Variants in BCAS1 observed in about 807,000 individuals in gnomAD.
BCAS1 encodes breast carcinoma-amplified sequence 1.
BCAS1 carries 46 observed loss-of-function variants against 65.4 expected under a neutral mutation model. The ratio of observed to expected loss-of-function variants is 0.70; its 90% CI spans 0.55 to 0.90. BCAS1 has a LOEUF of 0.90. Ranked by LOEUF, BCAS1 falls within the 40% of genes least tolerant of loss-of-function variation. BCAS1 has a pLI of 0.00. For synonymous variants in BCAS1, 298 were observed against 293.5 expected (o/e 1.02, Z -0.16); for missense variants, 793 against 771.2 (o/e 1.03, Z -0.33).
intron 12 of BCAS1, among the ~76,000 whole-genome samples, chr20:53,948,785 C>T (rs755333582): frequency 1.4e-4 from 22 of 152,196 alleles, no homozygotes; most frequent in Non-Finnish European, 2.4e-4. Context: ...ACTGAGGCTC[C>T]AAGATGACCT....
chr20:54,066,376 C>T (rs931391520), intron 1 of BCAS1, among the ~76,000 whole-genome samples: 2 of 152,198 alleles, frequency 1.3e-5, no homozygotes, highest in Non-Finnish European at 2.9e-5. Flanking sequence ...CCGGCCGAGG[C>T]AGGTATTTTT....
chr20:53,985,916 C>T (rs2090604455), intron 7 of BCAS1, among the ~76,000 whole-genome samples: 1 of 152,102 alleles, frequency 6.6e-6, no homozygotes, highest in Admixed American at 6.5e-5. Context: ...TATAAACATG[C>T]ATCATCTTAC....
At chr20:54,058,848 C>A in intron 1 of BCAS1, 125 bp from the exon 2 acceptor site, 1 of 1,069,686 alleles carries the variant, frequency 9.3e-7, no homozygotes, top group Non-Finnish European at 1.4e-6. Flanking sequence ...GAGATCAGAA[C>A]AAATTGCTTG....
intron 3 of BCAS1, among the ~76,000 whole-genome samples, chr20:54,056,819 A>G (rs1161998901): frequency 8.5e-5 from 13 of 152,214 alleles, no homozygotes; most frequent in Admixed American, 8.5e-4. Context: ...CATGTGAAAG[A>G]AAACAACCAT....
rs985094799 is a variant in BCAS1 at position 53,958,340 on chromosome 20, C to T, written c.1486-843G>A. The stretch of plus-strand genomic sequence containing the variant: ...CTAAGAAACCTGGTGATAAAATGTT[C>T]GGTTCTTATCAACAACATTGACTCA... On this transcript the variant is annotated intron_variant, in intron 10 of 12. Transcript: ENST00000688948. 5.3e-5 allele frequency among the ~76,000 whole-genome samples: 8 copies of T among 152,146 alleles called. No individual in the cohort carries two copies. The East Asian group carries it at 1.2e-3, about 22-fold the overall frequency.
chr20:54,006,289 C>T lies in BCAS1; in HGVS notation c.724-10239G>A, dbSNP rs1029326134. On this transcript the variant is annotated intron_variant, in intron 4 of 12. Coordinates refer to ENST00000688948, the MANE Select transcript of BCAS1 (RefSeq NM_001366298.2). ...TAAACTCACATGCACTAGGGGAGGA[C>T]GAGAAGAGGAAAAAAAGCAAGTCCC... Among the ~76,000 whole-genome samples, 7 of 152,206 alleles carry T rather than the reference C, an allele frequency of 4.6e-5. No homozygotes were observed. The East Asian group carries it at 1.2e-3, about 25-fold the overall frequency.
chr20:54,028,825 A>C lies in BCAS1; in HGVS notation c.290T>G (p.Leu97Trp), dbSNP rs145412907. 17 of 1,613,930 alleles carry C rather than the reference A, an allele frequency of 1.1e-5. No homozygotes were observed. Among genetic ancestry groups the C allele is most frequent in the African/African-American group, 1.3e-5 (1 of 74,878 alleles). ...EAPAAKSRFF[L>W]MLSRPVPGRT... Reference sequence around the variant, plus strand: ...TCCTGGTACAGGCCGAGAGAGCATCAAGAAAAAACGAGATTTAGCAGCTGG... The same window carrying C: ...TCCTGGTACAGGCCGAGAGAGCATCCAGAAAAAACGAGATTTAGCAGCTGG... The change falls in exon 4 of 13, where the codon TTG becomes TGG. Residue 97 changes from leucine (L) to tryptophan (W), a missense_variant. Leu to Trp is a moderately conservative substitution (Grantham distance 61). Transcript: ENST00000688948.
At chr20:53,975,875 T>C (rs2090321247) in intron 8 of BCAS1, among the ~76,000 whole-genome samples, 1 of 152,192 alleles carries the variant, frequency 6.6e-6, no homozygotes, top group Admixed American at 6.5e-5. Flanking sequence ...CGTTCAATTG[T>C]CCTTTTGAGC....
intron 11 of BCAS1, among the ~76,000 whole-genome samples, chr20:53,954,294 G>GGA (rs71196437): frequency 0.072 from 9,000 of 125,754 alleles, 482 homozygotes; most frequent in African/African-American, 0.15. Flanking sequence ...GCTGAGAAAT[G>GGA]GAGAGAGAGA....
intron 5 of BCAS1, 26 bp downstream of exon 5, chr20:53,995,866 G>C: frequency 6.4e-7 from 1 of 1,570,882 alleles, no homozygotes; most frequent in Non-Finnish European, 8.6e-7. Context: ...ATAGAGTGGA[G>C]GGGAAAAGAG....
chr20:53,948,810 C>T (rs537025478), intron 12 of BCAS1, among the ~76,000 whole-genome samples: 63 of 152,256 alleles, frequency 4.1e-4, no homozygotes, highest in African/African-American at 1.0e-3. Context: ...CTAGGTCATG[C>T]GGTAACGGCC....
In BCAS1 at chr20:53,994,008, A is replaced by G. The variant is rs184717557; in HGVS notation, c.927+1004T>C. Among the ~76,000 whole-genome samples, 22 of 152,278 alleles carry G rather than the reference A, an allele frequency of 1.4e-4. No individual in the cohort carries two copies. In the East Asian group the frequency reaches 2.7e-3, roughly 19 times the overall value. ...CAGGACAAAGAATTTTTTTGTCCCA[A>G]TTTTATAGACATGAAGACTTGGGTT... On this transcript the variant is annotated intron_variant, in intron 6 of 12. Coordinates refer to ENST00000688948, the MANE Select transcript of BCAS1 (RefSeq NM_001366298.2).
chr20:54,065,150 A>ATCTC (rs1436438067), intron 1 of BCAS1, among the ~76,000 whole-genome samples: 2 of 139,216 alleles, frequency 1.4e-5, no homozygotes, highest in Middle Eastern at 3.2e-3. Flanking sequence ...CTATCTATCT[A>ATCTC]TCTATCTATC....
At chr20:54,003,127 T>G (rs2091097866) in intron 4 of BCAS1, among the ~76,000 whole-genome samples, 1 of 151,320 alleles carries the variant, frequency 6.6e-6, no homozygotes, top group South Asian at 2.1e-4. Context: ...AAACCTTGCC[T>G]GGTATAATTC....
chr20:54,062,928 G>T (rs1191070690), intron 1 of BCAS1, among the ~76,000 whole-genome samples: 1 of 152,188 alleles, frequency 6.6e-6, no homozygotes, highest in South Asian at 2.1e-4. Flanking sequence ...AAAGCAAAAG[G>T]TTACTGCCAT....
At chr20:54,068,507 C>T (rs952919796) in intron 1 of BCAS1, 2 of 153,550 alleles carry the variant, frequency 1.3e-5, no homozygotes, top group East Asian at 1.9e-4. Context: ...CTGGCTTCAC[C>T]CTTGCCCTGA....
intron 3 of BCAS1, among the ~76,000 whole-genome samples, chr20:54,044,771 G>A (rs1462827519): frequency 4.0e-5 from 6 of 151,472 alleles, no homozygotes; most frequent in Admixed American, 6.6e-5. Flanking sequence ...CCAGGAGGCG[G>A]AGGTTGCAGT....
In BCAS1 at chr20:53,978,923, C is replaced by A. The variant is rs146239446; in HGVS notation, c.1276-3493G>T. ...CTTCTCTGCACCTCAGTTCACTTACCCAAAGGCTGACTGTTAGACTATCTA... is the reference window on the plus strand; with the variant it reads ...CTTCTCTGCACCTCAGTTCACTTACACAAAGGCTGACTGTTAGACTATCTA... On this transcript the variant is annotated intron_variant, in intron 8 of 12. Transcript: ENST00000688948. 2.5e-3 allele frequency among the ~76,000 whole-genome samples: 385 copies of A among 152,282 alleles called. 2 individuals carry two copies. The highest frequency in any genetic ancestry group is 9.1e-3 in the African/African-American group (378 of 41,558).
chr20:54,052,288 C>A (rs2092230183), intron 3 of BCAS1, among the ~76,000 whole-genome samples: 1 of 152,192 alleles, frequency 6.6e-6, no homozygotes, highest in South Asian at 2.1e-4. Flanking sequence ...CCCTAGCAAC[C>A]ACTGATCTAC....
Sources: gnomAD v4.1 joint callset for allele counts (sites outside exome capture counted in the v4.1 genomes callset) on GRCh38, gnomAD v4.1.1 for gene constraint, MANE v1.5 for transcripts, NCBI Gene and HGNC (gene_info 2026-07-23, HGNC 2026-07-21) for gene names.